ARL15: variants seen among roughly 807,000 people sequenced by gnomAD.
ARL15 encodes ARF like GTPase 15, also known as ADP-ribosylation factor-like protein 15.
ARL15 carries 19 observed loss-of-function variants against 25.2 expected under a neutral mutation model. The observed-to-expected ratio is 0.75, with a 90% CI of 0.53 to 1.10. The LOEUF (loss-of-function observed/expected upper bound fraction) is 1.10. Among genes scored for constraint, ARL15 ranks in the 50% least tolerant of loss-of-function variants. The pLI is 0.00. For missense variants in ARL15, 220 were observed against 246.0 expected, an observed-to-expected ratio of 0.89 and a Z score of 0.71; for synonymous variants, 94 against 86.8, an observed-to-expected ratio of 1.08 and a Z score of -0.46.
At chr5:54,137,400 G>A (rs1753636802) in intron 3 of ARL15, among the ~76,000 whole-genome samples, 1 of 152,084 alleles carries the variant, frequency 6.6e-6, no homozygotes, top group African/African-American at 2.4e-5. Flanking sequence ...TATTGCCATG[G>A]GACTTTACAC....
rs12658561 is a variant in ARL15 at position 53,997,514 on chromosome 5, A to G, written c.463-110801T>C. Among the ~76,000 whole-genome samples the G allele has an allele frequency of 3.5e-4, 54 of 152,318 alleles. No homozygotes were observed. In the East Asian group the frequency reaches 9.3e-3, roughly 26 times the overall value. On this transcript the variant is annotated intron_variant, in intron 4 of 4. Transcript: ENST00000504924. ...AATCCTCATCACCTGATAATTTTCA[A>G]TAATGATCCAAATGGCAACAGACTA...
intron 1 of ARL15, among the ~76,000 whole-genome samples, chr5:54,294,810 A>G (rs894356832): frequency 2.0e-5 from 3 of 152,238 alleles, no homozygotes; most frequent in African/African-American, 4.8e-5. Flanking sequence ...TATTGTCTTA[A>G]TATCACTCAC....
chr5:54,218,944 G>A (rs1756295012), intron 1 of ARL15, among the ~76,000 whole-genome samples: 1 of 150,618 alleles, frequency 6.6e-6, no homozygotes, highest in African/African-American at 2.4e-5. Context: ...TATAATTTTG[G>A]TCTATGGATT....
chr5:54,298,087 C>A (rs1307441011), intron 1 of ARL15, among the ~76,000 whole-genome samples: 2 of 152,108 alleles, frequency 1.3e-5, no homozygotes, highest in African/African-American at 4.8e-5. Context: ...AAGTAGAAAT[C>A]TTCTACTTTC....
intron 1 of ARL15, among the ~76,000 whole-genome samples, chr5:54,242,799 G>A (rs1321918944): frequency 6.6e-6 from 1 of 151,976 alleles, no homozygotes; most frequent in Non-Finnish European, 1.5e-5. Flanking sequence ...TTTTTTCCTA[G>A]GTCAGTTTAC....
intron 4 of ARL15, among the ~76,000 whole-genome samples, chr5:54,079,967 TCACACACACACA>T (rs58908566): frequency 0.011 from 1,361 of 124,372 alleles, 33 homozygotes; most frequent in African/African-American, 0.039. Flanking sequence ...TGAGACTCCG[TCACACACACACA>T]CACACACACA....
chr5:54,037,937 G>A (rs1040180967), intron 4 of ARL15, among the ~76,000 whole-genome samples: 3 of 152,006 alleles, frequency 2.0e-5, no homozygotes, highest in Non-Finnish European at 4.4e-5. Flanking sequence ...TTTCATCACA[G>A]TATTAGATTA....
intron 4 of ARL15, among the ~76,000 whole-genome samples, chr5:53,939,733 CA>C (rs201690627): frequency 2.1e-5 from 3 of 143,576 alleles, no homozygotes; most frequent in South Asian, 2.3e-4. Flanking sequence ...GACTCCGTCT[CA>C]AAAAAAAATA....
rs375058933 is a variant in ARL15, at chr5:54,060,156, C to T, written c.462+53046G>A. On this transcript the variant is annotated intron_variant, in intron 4 of 4. Coordinates refer to ENST00000504924, the MANE Select transcript of ARL15 (RefSeq NM_019087.3). Reference sequence around the variant, plus strand: ...AAAAAAAAAAAAAAAAAAAAAACCCCGGGTGCGGTGTCTCACACCTGTAAT... The same window carrying T: ...AAAAAAAAAAAAAAAAAAAAAACCCTGGGTGCGGTGTCTCACACCTGTAAT... Among the ~76,000 whole-genome samples the T allele has an allele frequency of 4.9e-3, 644 of 132,552 alleles. 3 individuals carry two copies. The highest frequency in any genetic ancestry group is 0.018 in the African/African-American group (593 of 32,226). 87.0% of individuals were successfully genotyped at this position (132,552 alleles called of 152,430 possible).
intron 4 of ARL15, among the ~76,000 whole-genome samples, chr5:54,023,303 A>G (rs1364230907): frequency 2.1e-5 from 1 of 47,950 alleles, no homozygotes; most frequent in African/African-American, 6.2e-5. Context: ...AGACACATTT[A>G]AAAATATTAC....
At position 54,160,512 on chromosome 5, in the gene ARL15, T is replaced by C. The variant is rs964738227; in HGVS notation, c.194-5873A>G. 1.2e-4 allele frequency among the ~76,000 whole-genome samples: 19 copies of C among 152,184 alleles called. 1 individual carries two copies. Among genetic ancestry groups the C allele is most frequent in the African/African-American group, 2.4e-4 (10 of 41,450 alleles). On this transcript the variant is annotated intron_variant, in intron 2 of 4. Transcript: ENST00000504924. Reference sequence around the variant, plus strand: ...CTTCAAAAAAAAAAGTGAACATTTATGTAATCTACAGTTTAACAACCCCTC... The same window carrying C: ...CTTCAAAAAAAAAAGTGAACATTTACGTAATCTACAGTTTAACAACCCCTC...
At chr5:54,097,405 C>A (rs1294595301) in intron 4 of ARL15, among the ~76,000 whole-genome samples, 1 of 97,190 alleles carries the variant, frequency 1.0e-5, no homozygotes, top group Non-Finnish European at 2.1e-5. Context: ...TTACTTCAAA[C>A]ACAAAGTTTT....
intron 4 of ARL15, among the ~76,000 whole-genome samples, chr5:54,031,457 A>G (rs1749981112): frequency 6.6e-6 from 1 of 151,990 alleles, no homozygotes; most frequent in South Asian, 2.1e-4. Context: ...AAGTGTAGAT[A>G]GAATACATGG....
intron 3 of ARL15, among the ~76,000 whole-genome samples, chr5:54,135,589 C>G (rs1326427518): frequency 1.3e-5 from 2 of 152,144 alleles, no homozygotes; most frequent in Non-Finnish European, 2.9e-5. Context: ...AACAAAGAAA[C>G]AGAGAGTTGC....
chr5:54,014,952 T>C (rs938404834), intron 4 of ARL15, among the ~76,000 whole-genome samples: 1 of 152,026 alleles, frequency 6.6e-6, no homozygotes, highest in Non-Finnish European at 1.5e-5. Flanking sequence ...CTTCCAAGGG[T>C]GAAGGGAAGG....
chr5:53,967,214 T>TAAAA (rs1249683099), intron 4 of ARL15, among the ~76,000 whole-genome samples: 6 of 152,250 alleles, frequency 3.9e-5, no homozygotes, highest in Non-Finnish European at 8.8e-5. Flanking sequence ...TTTGTTTATT[T>TAAAA]GTATTTTCTA....
chr5:54,104,306 T>C (rs1470023220), intron 4 of ARL15, among the ~76,000 whole-genome samples: 4 of 152,204 alleles, frequency 2.6e-5, no homozygotes, highest in East Asian at 1.9e-4. Flanking sequence ...TAATTTGCAA[T>C]AATATTAGGG....
chr5:54,120,475 C>T (rs1413196250), intron 3 of ARL15, among the ~76,000 whole-genome samples: 2 of 152,088 alleles, frequency 1.3e-5, no homozygotes, highest in African/African-American at 4.8e-5. Context: ...TATTTATGAA[C>T]CTTTATACTG....
intron 4 of ARL15, among the ~76,000 whole-genome samples, chr5:53,982,079 T>C (rs1415412554): frequency 6.6e-6 from 1 of 151,834 alleles, no homozygotes; most frequent in Non-Finnish European, 1.5e-5. Context: ...CCTGGATGAC[T>C]CTGAAAGCCT....
Sources: gnomAD v4.1 joint callset for allele counts (sites outside exome capture counted in the v4.1 genomes callset) on GRCh38, gnomAD v4.1.1 for gene constraint, MANE v1.5 for transcripts, NCBI Gene and HGNC (gene_info 2026-07-23, HGNC 2026-07-21) for gene names.